The following LRRC4C variants were observed in gnomAD, a reference collection of about 807,000 sequenced individuals.
LRRC4C encodes leucine rich repeat containing 4C.
In LRRC4C, 5 loss-of-function variants were observed where a neutral mutation model predicts 33.6. The observed-to-expected ratio is 0.15, with a 90% confidence interval of 0.08 to 0.31. LRRC4C has a LOEUF of 0.31. LRRC4C is among the 10% of genes least tolerant of loss of function. LRRC4C has a pLI of 1.00. For synonymous variants in LRRC4C, 329 were observed against 302.0 expected (o/e 1.09, Z -0.93); for missense variants, 560 against 796.7 (o/e 0.70, Z 3.58).
intron 1 of LRRC4C, among the ~76,000 whole-genome samples, chr11:41,217,972 T>C (rs2136359302): frequency 6.6e-6 from 1 of 152,334 alleles, no homozygotes; most frequent in East Asian, 1.9e-4. Context: ...CCACTTAGCC[T>C]GCAAAGTTTA....
At chr11:40,222,710 G>T (rs1428875033) in intron 5 of LRRC4C, among the ~76,000 whole-genome samples, 2 of 152,130 alleles carry the variant, frequency 1.3e-5, no homozygotes, top group African/African-American at 4.8e-5. Context: ...TGCTGTGATA[G>T]AAATTTTAGG....
chr11:41,087,198 C>T (rs1940061863), intron 1 of LRRC4C, among the ~76,000 whole-genome samples: 1 of 152,082 alleles, frequency 6.6e-6, no homozygotes, highest in South Asian at 2.1e-4. Flanking sequence ...ATATCAGTCT[C>T]GTTTTTCCAT....
At chr11:41,292,831 T>A (rs907554729) in intron 1 of LRRC4C, among the ~76,000 whole-genome samples, 1 of 152,070 alleles carries the variant, frequency 6.6e-6, no homozygotes, top group Non-Finnish European at 1.5e-5. Context: ...TCTTAAAAAA[T>A]TTTTCAGGAG....
intron 1 of LRRC4C, among the ~76,000 whole-genome samples, chr11:41,015,988 C>G (rs1855560269): frequency 6.6e-6 from 1 of 151,892 alleles, no homozygotes; most frequent in East Asian, 1.9e-4. Context: ...AGCGAGACTC[C>G]GACTCCGTCT....
intron 2 of LRRC4C, among the ~76,000 whole-genome samples, chr11:40,820,378 G>T (rs1951882852): frequency 6.6e-6 from 1 of 151,822 alleles, no homozygotes; most frequent in East Asian, 1.9e-4. Context: ...AAAAATGAAA[G>T]AAAAATGTAG....
chr11:41,325,674 AAACAACAACAAC>A (rs142699257), intron 1 of LRRC4C, among the ~76,000 whole-genome samples: 93 of 150,496 alleles, frequency 6.2e-4, no homozygotes, highest in Middle Eastern at 3.4e-3. Context: ...TTCACTGCAA[AAACAACAACAAC>A]AACAACAACA....
intron 2 of LRRC4C, among the ~76,000 whole-genome samples, chr11:40,667,933 T>G (rs1943900571): frequency 6.6e-6 from 1 of 152,192 alleles, no homozygotes; most frequent in African/African-American, 2.4e-5. Flanking sequence ...TTAGGTAACA[T>G]GTTCTGCATA....
chr11:41,355,744 A>G (rs910697487), intron 1 of LRRC4C, among the ~76,000 whole-genome samples: 1 of 152,156 alleles, frequency 6.6e-6, no homozygotes, highest in Non-Finnish European at 1.5e-5. Context: ...TTTTGGGGAT[A>G]AAATGGTTAA....
intron 5 of LRRC4C, among the ~76,000 whole-genome samples, chr11:40,208,510 G>T (rs1434272409): frequency 6.6e-6 from 1 of 151,908 alleles, no homozygotes; most frequent in Admixed American, 6.6e-5. Flanking sequence ...TAGAGTCCTG[G>T]TATCTTATAT....
At chr11:41,302,295 T>G (rs983993864) in intron 1 of LRRC4C, among the ~76,000 whole-genome samples, 2 of 152,154 alleles carry the variant, frequency 1.3e-5, no homozygotes, top group African/African-American at 2.4e-5. Context: ...TGTTAATATA[T>G]CCAAGGGATA....
intron 2 of LRRC4C, among the ~76,000 whole-genome samples, chr11:40,748,203 G>A (rs921995258): frequency 1.3e-5 from 2 of 152,068 alleles, no homozygotes; most frequent in Non-Finnish European, 2.9e-5. Context: ...TAGAATAACG[G>A]CAGTTTTCTC....
rs1294407984 is a variant in LRRC4C, at chr11:40,396,292, TCTGA to T, written c.-269-76575_-269-76572del. Among the ~76,000 whole-genome samples, 4 of 152,304 alleles carry T rather than the reference TCTGA, an allele frequency of 2.6e-5. No homozygotes were observed. In the East Asian group the frequency reaches 7.7e-4, roughly 29 times the overall value. On this transcript the variant is annotated intron_variant, in intron 3 of 6. Coordinates refer to ENST00000528697, the MANE Select transcript of LRRC4C (RefSeq NM_001258419.2). ...CTCTAGACACCTTGGTTTTAAAATA[TCTGA>T]CTGGTTCAACAGTGCACAGTCAGTT...
At chr11:40,650,187 A>C (rs536763023) in intron 2 of LRRC4C, among the ~76,000 whole-genome samples, 1 of 152,324 alleles carries the variant, frequency 6.6e-6, no homozygotes, top group South Asian at 2.1e-4. Flanking sequence ...TAAAATTTGT[A>C]GAAGGCTGTT....
intron 1 of LRRC4C, among the ~76,000 whole-genome samples, chr11:41,136,181 C>A (rs1432920273): frequency 1.3e-5 from 2 of 152,244 alleles, no homozygotes; most frequent in Non-Finnish European, 2.9e-5. Context: ...TGTTGGGAAC[C>A]AATAAGACTA....
At chr11:41,036,295 T>A (rs7928785) in intron 1 of LRRC4C, among the ~76,000 whole-genome samples, 16,567 of 152,198 alleles carry the variant, frequency 0.11, 1,048 homozygotes, top group African/African-American at 0.16. Context: ...AGGCAATGAT[T>A]AAAAAGTGTT....
chr11:40,565,490 T>G (rs10837438), intron 3 of LRRC4C, among the ~76,000 whole-genome samples: 32,706 of 152,060 alleles, frequency 0.22, 4,091 homozygotes, highest in East Asian at 0.54. Context: ...TAGCATGTTC[T>G]CATTTAGGGG....
intron 2 of LRRC4C, among the ~76,000 whole-genome samples, chr11:40,791,694 T>A (rs1950628136): frequency 6.6e-6 from 1 of 152,162 alleles, no homozygotes; most frequent in Non-Finnish European, 1.5e-5. Flanking sequence ...TCGTGATCTA[T>A]GAGTGGGAGG....
At chr11:40,181,763 G>GC (rs1266354298) in intron 5 of LRRC4C, among the ~76,000 whole-genome samples, 1 of 152,166 alleles carries the variant, frequency 6.6e-6, no homozygotes, top group African/African-American at 2.4e-5. Flanking sequence ...AGATGAGAAA[G>GC]CCAGGGTGGC....
At chr11:40,210,826 G>A (rs1464897598) in intron 5 of LRRC4C, among the ~76,000 whole-genome samples, 2 of 152,174 alleles carry the variant, frequency 1.3e-5, no homozygotes, top group Non-Finnish European at 2.9e-5. Context: ...TGGCTGGAGT[G>A]CAGTGGCATC....
Sources: gnomAD v4.1 joint callset for allele counts (sites outside exome capture counted in the v4.1 genomes callset) on GRCh38, gnomAD v4.1.1 for gene constraint, MANE v1.5 for transcripts, NCBI Gene and HGNC (gene_info 2026-07-23, HGNC 2026-07-21) for gene names.